The following PTPRK variants were observed in gnomAD, a reference collection of about 807,000 sequenced individuals.
PTPRK encodes receptor-type tyrosine-protein phosphatase kappa.
PTPRK carries 75 observed loss-of-function variants against 178.0 expected under a neutral mutation model. That is an observed-to-expected ratio of 0.42 (90% CI 0.35 to 0.51). The LOEUF is 0.51. Ranked by LOEUF, PTPRK falls within the 20% of genes least tolerant of loss-of-function variation. PTPRK has a pLI of 0.02. For synonymous variants in PTPRK, 637 were observed against 620.6 expected (o/e 1.03, Z -0.39); for missense variants, 1,441 against 1,797.8 (o/e 0.80, Z 3.59).
intron 3 of PTPRK, among the ~76,000 whole-genome samples, chr6:128,285,127 T>C (rs1484981746): frequency 6.6e-6 from 1 of 152,226 alleles, no homozygotes; most frequent in East Asian, 1.9e-4. Flanking sequence ...AGATAAAAAC[T>C]GACTTTTGCC....
At chr6:128,175,683 T>C (rs192013771) in intron 7 of PTPRK, among the ~76,000 whole-genome samples, 1 of 151,910 alleles carries the variant, frequency 6.6e-6, no homozygotes, top group East Asian at 1.9e-4. Flanking sequence ...AAAATGACAA[T>C]AGTTTTGTAA....
chr6:128,508,371 C>A (rs1048724297), intron 1 of PTPRK, among the ~76,000 whole-genome samples: 1 of 152,144 alleles, frequency 6.6e-6, no homozygotes, highest in African/African-American at 2.4e-5. Context: ...TCATCAGGAT[C>A]ATGCTCTTAA....
At chr6:128,435,268 T>C (rs551699314) in intron 1 of PTPRK, among the ~76,000 whole-genome samples, 56 of 152,322 alleles carry the variant, frequency 3.7e-4, no homozygotes, top group African/African-American at 1.2e-3. Context: ...AAATAGGTTC[T>C]ACAATTTTTT....
intron 7 of PTPRK, among the ~76,000 whole-genome samples, chr6:128,132,866 A>AT (rs925458611): frequency 1.3e-5 from 2 of 152,104 alleles, no homozygotes; most frequent in East Asian, 1.9e-4. Context: ...AATTGTCCTG[A>AT]TTTTTTTCCA....
intron 2 of PTPRK, among the ~76,000 whole-genome samples, chr6:128,372,233 T>C (rs1836401025): frequency 6.6e-6 from 1 of 152,142 alleles, no homozygotes; most frequent in Non-Finnish European, 1.5e-5. Flanking sequence ...CTGCTAGCAG[T>C]TGCCTATAGC....
chr6:128,213,895 A>G (rs1808721599), intron 6 of PTPRK, among the ~76,000 whole-genome samples: 1 of 152,142 alleles, frequency 6.6e-6, no homozygotes, highest in African/African-American at 2.4e-5. Flanking sequence ...TTGACAAAGG[A>G]AAGAGTCTGG....
intron 13 of PTPRK, among the ~76,000 whole-genome samples, chr6:128,055,643 A>AG (rs1318488065): frequency 2.0e-5 from 3 of 152,018 alleles, no homozygotes; most frequent in Admixed American, 6.6e-5. Flanking sequence ...TCTGTTGCCC[A>AG]AGCTGGAGCG....
At chr6:128,370,534 T>A (rs1231835378) in intron 2 of PTPRK, among the ~76,000 whole-genome samples, 1 of 152,098 alleles carries the variant, frequency 6.6e-6, no homozygotes, top group African/African-American at 2.4e-5. Flanking sequence ...AGATAATTCA[T>A]CATATCATCT....
chr6:128,242,921 T>C (rs1814731407), intron 3 of PTPRK, among the ~76,000 whole-genome samples: 1 of 152,206 alleles, frequency 6.6e-6, no homozygotes, highest in Admixed American at 6.5e-5. Flanking sequence ...CTTTCGCATA[T>C]TGATTTTTTC....
intron 7 of PTPRK, among the ~76,000 whole-genome samples, chr6:128,146,394 T>TTGTGTGTGTGTTTATG (rs1371720355): frequency 2.0e-5 from 3 of 151,376 alleles, no homozygotes; most frequent in South Asian, 2.1e-4. Flanking sequence ...ACCATACTGT[T>TTGTGTGTGTGTTTATG]TGTGTGTGTG....
At chr6:128,059,640 G>A (rs952184952) in intron 13 of PTPRK, among the ~76,000 whole-genome samples, 19 of 152,144 alleles carry the variant, frequency 1.2e-4, no homozygotes, top group Non-Finnish European at 2.6e-4. Context: ...GTTTATGAAT[G>A]AATGTCATCA....
intron 6 of PTPRK, among the ~76,000 whole-genome samples, chr6:128,214,566 ATTATT>A (rs1808877213): frequency 6.6e-6 from 1 of 151,790 alleles, no homozygotes; most frequent in Non-Finnish European, 1.5e-5. Context: ...TATTATTATT[ATTATT>A]TTGATAGTTG....
intron 1 of PTPRK, among the ~76,000 whole-genome samples, chr6:128,422,588 G>T (rs960616774): frequency 1.8e-4 from 26 of 143,608 alleles, no homozygotes; most frequent in African/African-American, 6.6e-4. Flanking sequence ...GTAATCAAAA[G>T]GTTCACATTA....
At chr6:128,011,101 T>C (rs144201007) in intron 13 of PTPRK, among the ~76,000 whole-genome samples, 2,185 of 151,334 alleles carry the variant, frequency 0.014, 67 homozygotes, top group African/African-American at 0.05. Context: ...CAAAGTTGAA[T>C]GAAAAAACCT....
intron 3 of PTPRK, among the ~76,000 whole-genome samples, chr6:128,266,553 A>G (rs186283124): frequency 6.6e-6 from 1 of 152,268 alleles, no homozygotes; most frequent in East Asian, 1.9e-4. Context: ...TCTCCAGACC[A>G]CAATTCCTTC....
At chr6:128,279,964 G>A (rs1821412935) in intron 3 of PTPRK, among the ~76,000 whole-genome samples, 1 of 152,172 alleles carries the variant, frequency 6.6e-6, no homozygotes, top group African/African-American at 2.4e-5. Context: ...TGACTTACTA[G>A]AACAGACCCA....
At chr6:128,174,022 G>A (rs984431941) in intron 7 of PTPRK, among the ~76,000 whole-genome samples, 2 of 151,960 alleles carry the variant, frequency 1.3e-5, no homozygotes, top group Non-Finnish European at 2.9e-5. Flanking sequence ...TGTAAAGGTA[G>A]ATCAACATTT....
chr6:128,068,940 T>TG (rs1414981150), intron 11 of PTPRK, among the ~76,000 whole-genome samples: 4 of 130,700 alleles, frequency 3.1e-5, no homozygotes, highest in Admixed American at 1.6e-4. Context: ...TAGAGGGGAG[T>TG]GGGGAGGAGA....
At chr6:128,061,941 G>A (rs1780911656) in intron 13 of PTPRK, 1 of 152,090 alleles carries the variant, frequency 6.6e-6, no homozygotes, top group African/African-American at 2.4e-5. Context: ...TGTACAGTTG[G>A]ACAGATTTTT....
Sources: allele counts gnomAD v4.1 joint callset (sites outside exome capture counted in the v4.1 genomes callset), GRCh38; gene constraint gnomAD v4.1.1; transcripts MANE v1.5; gene names NCBI Gene and HGNC (gene_info 2026-07-23, HGNC 2026-07-21).